The following WDR24 variants were observed in gnomAD, a reference collection of about 807,000 sequenced individuals.
WDR24 encodes GATOR2 complex protein WDR24.
In WDR24, 32 loss-of-function variants were observed where a neutral mutation model predicts 66.7. That is an observed-to-expected ratio of 0.48 (90% confidence interval 0.36 to 0.64). The LOEUF is 0.64. Ranked by LOEUF, WDR24 falls within the 30% of genes least tolerant of loss-of-function variation. WDR24 has a pLI of 0.00. For synonymous variants in WDR24, 565 were observed against 469.1 expected, an observed-to-expected ratio of 1.20 and a Z score of -2.64; for missense variants, 978 against 1,144.1, an observed-to-expected ratio of 0.85 and a Z score of 2.09.
rs1478333514 is a variant in WDR24, at chr16:685,241, C to T, written c.2019+16G>A. On this transcript the variant is annotated intron_variant, in intron 7 of 8. Transcript: ENST00000293883. Reference sequence around the variant, plus strand: ...AGGGGCGGCGCTGCAGGGGGGAGGCCCCGCCCACCACACACCTGGGTCTGC... The same window carrying T: ...AGGGGCGGCGCTGCAGGGGGGAGGCTCCGCCCACCACACACCTGGGTCTGC... 5 of 1,593,992 alleles carry T rather than the reference C, an allele frequency of 3.1e-6. No individual in the cohort carries two copies. Among genetic ancestry groups the T allele is most frequent in the Non-Finnish European group, 4.3e-6 (5 of 1,170,308 alleles).
rs143404878 is a variant in WDR24, at chr16:689,557, G to A, written c.84C>T (p.Pro28=). Residue 28 remains proline, a synonymous_variant, in exon 1 of 9, where the codon CCC becomes CCT. Transcript: ENST00000293883. ...CGCGGCACACACTGATGGCATTGGC[G>A]GGAGCATCCAGGTGGCAGTGCATGG... ...GRTMHCHLDA[P]ANAISVCRDA... 47 of 1,612,992 alleles carry A rather than the reference G, an allele frequency of 2.9e-5. No individual in the cohort carries two copies. The African/African-American group carries it at 3.3e-4, about 11-fold the overall frequency.
chr16:685,642 C>T (rs1368425460), intron 6 of WDR24, 37 bp downstream of exon 6: 6 of 1,611,512 alleles, frequency 3.7e-6, no homozygotes, highest in South Asian at 1.1e-5. Context: ...GTCCTCCATC[C>T]GCCTCTGAAC....
At chr16:688,972 G>T (rs2039938703) in intron 1 of WDR24, 188 bp downstream of exon 1, 1 of 875,810 alleles carries the variant, frequency 1.1e-6, no homozygotes, top group Non-Finnish European at 1.7e-6. Flanking sequence ...CCACTTGACT[G>T]CCCTGGCTCA....
intron 1 of WDR24, chr16:688,065 G>A (rs765760681): frequency 1.6e-5 from 8 of 512,954 alleles, no homozygotes; most frequent in South Asian, 7.7e-5. Flanking sequence ...GAATAGGAAC[G>A]CACCCAGCCA....
intron 3 of WDR24, among the ~76,000 whole-genome samples, chr16:686,455 A>G (rs1213901846): frequency 6.6e-6 from 1 of 152,142 alleles, no homozygotes; most frequent in African/African-American, 2.4e-5. Context: ...TCACGGCTCC[A>G]CCGCTGCTGG....
At position 685,662 on chromosome 16, in the gene WDR24, C is replaced by A; in HGVS notation, c.1678+17G>T. The A allele has an allele frequency of 6.2e-7, 1 of 1,612,582 alleles. No individual in the cohort carries two copies. The highest frequency in any genetic ancestry group is 1.1e-5 in the South Asian group (1 of 91,086). ...CCATCCGCCTCTGAACCCCACCCTG[C>A]CCGGACCCCCACTCACGGTGCGCGT... On this transcript the variant is annotated intron_variant, in intron 6 of 8. Transcript: ENST00000293883.
At chr16:688,610 C>T (rs1030869637) in intron 1 of WDR24, among the ~76,000 whole-genome samples, 2 of 152,212 alleles carry the variant, frequency 1.3e-5, no homozygotes, top group African/African-American at 4.8e-5. Context: ...TCTTAAGTGG[C>T]CTGAAAATTC....
intron 2 of WDR24, 57 bp from the exon 3 acceptor site, chr16:687,473 C>A (rs1427329466): frequency 6.4e-6 from 10 of 1,574,554 alleles, no homozygotes; most frequent in East Asian, 2.2e-5. Flanking sequence ...AGAGGGGACC[C>A]CCCCGCTCTG....
rs763798869 is a variant in WDR24, at chr16:685,412, C to T, written c.1864G>A (p.Ala622Thr). The change falls in exon 7 of 9, where the codon GCG becomes ACG. Residue 622 changes from alanine to threonine, a missense_variant. Transcript: ENST00000293883. ...GGCGGCAGGCGGCTGTCGTAGAGCG[C>T]GTGTGAGACAGACAGGAGCGAGAAG... ...SSFSLLSVSH[A>T]LYDSRLPPDF... 1.9e-6 allele frequency: 3 copies of T among 1,612,342 alleles called. No individual in the cohort carries two copies. Among genetic ancestry groups the T allele is most frequent in the Non-Finnish European group, 2.5e-6 (3 of 1,179,674 alleles).
intron 8 of WDR24, 28 bp downstream of exon 8, chr16:684,964 G>T (rs554901459): frequency 1.2e-5 from 18 of 1,537,916 alleles, no homozygotes; most frequent in Admixed American, 2.0e-5. Flanking sequence ...GCAGGCCCCT[G>T]CCCCACCTCC....
chr16:687,743 C>T lies in WDR24; in HGVS notation c.482-4G>A, dbSNP rs767750219. ...TCCCGCACGCTCTCCGACTGGCCTGCAGGCAGGAGGTCGATGCAGGGGAAG... is the reference window on the plus strand; with the variant it reads ...TCCCGCACGCTCTCCGACTGGCCTGTAGGCAGGAGGTCGATGCAGGGGAAG... On this transcript the variant is annotated splice_polypyrimidine_tract_variant and splice_region_variant and intron_variant, in intron 1 of 8. Coordinates refer to ENST00000293883, the MANE Select transcript of WDR24 (RefSeq NM_032259.4). 3 of 1,612,186 alleles carry T rather than the reference C, an allele frequency of 1.9e-6. No homozygotes were observed. Among genetic ancestry groups the T allele is most frequent in the Admixed American group, 1.7e-5 (1 of 59,926 alleles).
chr16:685,896 A>C lies in WDR24; in HGVS notation c.1546T>G (p.Ser516Ala), dbSNP rs755830299. 2.5e-6 allele frequency: 4 copies of C among 1,612,932 alleles called. No individual in the cohort carries two copies. Among genetic ancestry groups the C allele is most frequent in the Admixed American group, 1.7e-5 (1 of 59,996 alleles). ...TCATTGGTGATGAGTGTGGCCGAGGAGTCGAGCAGAACTGTGTCGCTCCGT... is the reference window on the plus strand; with the variant it reads ...TCATTGGTGATGAGTGTGGCCGAGGCGTCGAGCAGAACTGTGTCGCTCCGT... ...DARSDTVLLD[S>A]SATLITNEDN... is the part of the protein sequence containing the mutation. The change falls in exon 5 of 9, where the codon TCC (serine) becomes GCC (alanine). Residue 516 changes from serine (S) to alanine (A), a missense_variant. This residue lies in a region of WDR24 where 676 missense variants were observed against 617.5 expected (regional missense o/e 1.09). Transcript: ENST00000293883.
rs777406492 is a variant in WDR24 at position 689,429 on chromosome 16, G to T, written c.212C>A (p.Pro71His). 1 of 1,613,518 alleles carries T rather than the reference G, an allele frequency of 6.2e-7. No individual in the cohort carries two copies. Among genetic ancestry groups the T allele is most frequent in the African/African-American group, 1.3e-5 (1 of 74,918 alleles). Reference sequence around the variant, plus strand: ...GTCAGCACAGCTCAGGTTAAGCGAAGGCTTGCGCCCCACACGCAGGTTCAG... The same window carrying T: ...GTCAGCACAGCTCAGGTTAAGCGAATGCTTGCGCCCCACACGCAGGTTCAG... ...EKLNLRVGRK[P>H]SLNLSCADVV... Residue 71 changes from proline (P) to histidine (H), a missense_variant, in exon 1 of 9, where the codon CCT becomes CAT. Physicochemically the swap from Pro to His is moderately conservative, Grantham distance 77. This residue lies in a region of WDR24 where 302 missense variants were observed against 526.6 expected (regional missense o/e 0.57). Transcript: ENST00000293883.
At position 689,102 on chromosome 16, in the gene WDR24, G is replaced by C. The variant is rs749939944; in HGVS notation, c.481+58C>G. 51 of 1,592,210 alleles carry C rather than the reference G, an allele frequency of 3.2e-5. No homozygotes were observed. In the Admixed American group the frequency reaches 6.3e-4, roughly 20 times the overall value. On this transcript the variant is annotated intron_variant, in intron 1 of 8. Coordinates refer to ENST00000293883, the MANE Select transcript of WDR24 (RefSeq NM_032259.4). ...CACGGAGCCCTTTTCCGCCTGCATG[G>C]ACAGGCTGGGCACCGGCAGAGACGC...
rs370748452 is a variant in WDR24 at position 689,585 on chromosome 16, C to T, written c.56G>A (p.Arg19His). ...TALGGSVLTGRTMHCHLDAPA... is the reference protein window; with the variant it reads ...TALGGSVLTGHTMHCHLDAPA... ...AGCATCCAGGTGGCAGTGCATGGTG[C>T]GGCCTGTCAGCACGCTGCCACCCAG... Residue 19 changes from arginine to histidine, a missense_variant, in exon 1 of 9, where the codon CGC (arginine) becomes CAC (histidine). Coordinates refer to ENST00000293883, the MANE Select transcript of WDR24 (RefSeq NM_032259.4). 58 of 1,612,764 alleles carry T rather than the reference C, an allele frequency of 3.6e-5. No individual in the cohort carries two copies. The highest frequency in any genetic ancestry group is 2.2e-4 in the East Asian group (10 of 44,888).
At position 687,342 on chromosome 16, in the gene WDR24, A is replaced by C. The variant is rs2151516545; in HGVS notation, c.734T>G (p.Met245Arg). The part of the protein sequence containing the change: ...WDMTTHRAKE[M>R]HCVQTIASVA... ...CGAGGCGATGGTCTGCACACAGTGC[A>C]TCTCCTTGGCACGGTGCGTGGTCAT... The change falls in exon 3 of 9, where the codon ATG becomes AGG. Residue 245 changes from methionine (M) to arginine (R), a missense_variant. By Grantham distance (91) the Met-to-Arg change is moderately conservative (BLOSUM62 -1). Around this residue, in one of 2 missense-constraint regions of WDR24, gnomAD observed 302 missense variants for 526.6 expected, o/e 0.57. Coordinates refer to ENST00000293883, the MANE Select transcript of WDR24 (RefSeq NM_032259.4). 6.2e-7 allele frequency: 1 copy of C among 1,607,878 alleles called. No individual in the cohort carries two copies. Among genetic ancestry groups the C allele is most frequent in the Admixed American group, 1.7e-5 (1 of 59,932 alleles).
In WDR24 at chr16:685,578, C is replaced by A; in HGVS notation, c.1698G>T (p.Val566=). The A allele has an allele frequency of 6.3e-7, 1 of 1,592,712 alleles. No homozygotes were observed. Among genetic ancestry groups the A allele is most frequent in the South Asian group, 1.1e-5 (1 of 90,052 alleles). The change falls in exon 7 of 9, where the codon GTG becomes GTT. Residue 566 remains valine, a synonymous_variant. Transcript: ENST00000293883. ...GCAGCGGAAAGGCCTCCTGCGGCAG[C>A]ACGCACTCAGGGTCCTCGGCTGGAA... ...EHAHPEDPEC[V]LPQEAFPLRH...
chr16:686,305 C>G (rs139135173), intron 3 of WDR24, 119 bp from the exon 4 acceptor site: 20,110 of 1,135,418 alleles, frequency 0.018, 224 homozygotes, highest in Non-Finnish European at 0.021. Context: ...ACCCAATGTC[C>G]AGGCCCACCC....
chr16:686,655 C>G, intron 3 of WDR24, 89 bp downstream of exon 3: 1 of 1,459,290 alleles, frequency 6.9e-7, no homozygotes, highest in East Asian at 2.3e-5. Flanking sequence ...CATTGCGGAG[C>G]TTGAGGTGGG....
Sources: gnomAD v4.1 joint callset for allele counts (sites outside exome capture counted in the v4.1 genomes callset) on GRCh38, gnomAD v4.1.1 for gene constraint, gnomAD v4.1.1 regional missense constraint, MANE v1.5 for transcripts, NCBI Gene and HGNC (gene_info 2026-07-23, HGNC 2026-07-21) for gene names.